Variants in CFH observed in about 807,000 individuals in gnomAD.
CFH encodes the protein H factor 1 (complement).
In CFH, 53 loss-of-function variants were observed where a neutral mutation model predicts 147.3. The ratio of observed to expected loss-of-function variants is 0.36; its 90% CI spans 0.29 to 0.45. The LOEUF is 0.45. Ranked by LOEUF, CFH falls within the 20% of genes least tolerant of loss-of-function variation. The pLI, the probability that CFH is intolerant of heterozygous loss-of-function variation, is 1.00. For synonymous variants in CFH, 536 were observed against 489.4 expected (o/e 1.10, Z -1.26); for missense variants, 1,380 against 1,498.0 (o/e 0.92, Z 1.30).
At chr1:196,721,278 C>T (rs990453124) in intron 11 of CFH, among the ~76,000 whole-genome samples, 1 of 151,526 alleles carries the variant, frequency 6.6e-6, no homozygotes, top group Non-Finnish European at 1.5e-5. Flanking sequence ...TTATTATTTC[C>T]TTTGCTGTGA....
At chr1:196,674,813 C>T (rs973465703) in intron 3 of CFH, among the ~76,000 whole-genome samples, 2 of 152,116 alleles carry the variant, frequency 1.3e-5, no homozygotes, top group Non-Finnish European at 2.9e-5. Flanking sequence ...TATATCTCTT[C>T]ACTACCATTT....
At chr1:196,679,155 G>A in intron 5 of CFH, 1 of 152,886 alleles carries the variant, frequency 6.5e-6, no homozygotes, top group Non-Finnish European at 1.5e-5. Flanking sequence ...TTTTTCTGAG[G>A]AAATCTTGGC....
At chr1:196,664,380 G>T (rs1269655283) in intron 1 of CFH, among the ~76,000 whole-genome samples, 1 of 152,108 alleles carries the variant, frequency 6.6e-6, no homozygotes. Context: ...TTATTGTGAA[G>T]GTGTCCTAAG....
chr1:196,727,071 C>G (rs1669160370), intron 14 of CFH, 131 bp downstream of exon 14: 3 of 759,272 alleles, frequency 4.0e-6, no homozygotes, highest in African/African-American at 3.5e-5. Flanking sequence ...TGAGACCAAT[C>G]TTTTGCATAT....
intron 9 of CFH, among the ~76,000 whole-genome samples, chr1:196,695,355 C>T (rs1003600377): frequency 1.3e-5 from 2 of 152,040 alleles, no homozygotes; most frequent in African/African-American, 2.4e-5. Context: ...TGTTCTGCTC[C>T]ATTGGCCTAT....
intron 9 of CFH, among the ~76,000 whole-genome samples, chr1:196,696,824 A>C (rs1445358161): frequency 6.6e-6 from 1 of 152,206 alleles, no homozygotes; most frequent in Non-Finnish European, 1.5e-5. Context: ...CCAATGGAAC[A>C]GAACAGAGCC....
At position 196,685,132 on chromosome 1, in the gene CFH, G is replaced by A; in HGVS notation, c.859G>A (p.Gly287Arg). Residue 287 changes from glycine (G) to arginine (R), a missense_variant, in exon 7 of 22, where the codon GGA becomes AGA. By Grantham distance (125) the Gly-to-Arg change is moderately radical (BLOSUM62 -2). This residue lies in a region of CFH where 167 missense variants were observed against 228.0 expected (regional missense o/e 0.73). Coordinates refer to ENST00000367429, the MANE Select transcript of CFH (RefSeq NM_000186.4). ...ACCTTTAAGGATTAAACACAGAACT[G>A]GAGATGAAATCACGTACCAGTGTAG... ...YSPLRIKHRT[G>R]DEITYQCRNG... 6.2e-7 allele frequency: 1 copy of A among 1,612,708 alleles called. No homozygotes were observed. Among genetic ancestry groups the A allele is most frequent in the Non-Finnish European group, 8.5e-7 (1 of 1,179,068 alleles).
chr1:196,687,972 A>T (rs1408218954), intron 7 of CFH, among the ~76,000 whole-genome samples: 1 of 147,718 alleles, frequency 6.8e-6, no homozygotes, highest in Non-Finnish European at 1.5e-5. Flanking sequence ...TATAATCCAC[A>T]TAATAAATGT....
intron 10 of CFH, among the ~76,000 whole-genome samples, chr1:196,714,121 C>CAT (rs1558173017): frequency 1.3e-5 from 2 of 152,052 alleles, no homozygotes; most frequent in East Asian, 3.9e-4. Context: ...GCTTTTCCTA[C>CAT]TCTAAAGCAT....
At position 196,736,792 on chromosome 1, in the gene CFH, A is replaced by T. The variant is rs1669414355; in HGVS notation, c.2414-32A>T. On this transcript the variant is annotated intron_variant, in intron 15 of 21. Coordinates refer to ENST00000367429, the MANE Select transcript of CFH (RefSeq NM_000186.4). Reference sequence around the variant, plus strand: ...ATATTTTTATTTTTTATTTTTTATTATAACATTAATTATATTTTTAATATT... The same window carrying T: ...ATATTTTTATTTTTTATTTTTTATTTTAACATTAATTATATTTTTAATATT... The T allele has an allele frequency of 9.5e-7, 1 of 1,053,626 alleles. No homozygotes were observed. The highest frequency in any genetic ancestry group is 3.6e-5 in the East Asian group (1 of 27,616). The allele number at this position is 1,053,626 out of a possible 1,614,324, so 65.3% of individuals were successfully genotyped here.
chr1:196,677,923 C>T, intron 5 of CFH: 1 of 442,220 alleles, frequency 2.3e-6, no homozygotes, highest in Non-Finnish European at 4.2e-6. Flanking sequence ...AAATCACATG[C>T]CCTGGATTAT....
At chr1:196,655,168 C>T (rs1208694957) in intron 1 of CFH, among the ~76,000 whole-genome samples, 1 of 152,052 alleles carries the variant, frequency 6.6e-6, no homozygotes, top group Non-Finnish European at 1.5e-5. Flanking sequence ...CTGACAACTT[C>T]CCTGAAACAA....
At chr1:196,679,074 G>T (rs556037412) in intron 5 of CFH, 14 of 153,000 alleles carry the variant, frequency 9.2e-5, no homozygotes, top group African/African-American at 3.1e-4. Context: ...ACTTATGATT[G>T]GCACAATCCC....
At chr1:196,690,566 CAAG>C (rs1215086048) in intron 9 of CFH, among the ~76,000 whole-genome samples, 2 of 152,100 alleles carry the variant, frequency 1.3e-5, no homozygotes, top group East Asian at 3.9e-4. Context: ...TATCTCACAC[CAAG>C]AAGATTAAGG....
chr1:196,727,080 A>T (rs1392155429), intron 14 of CFH, 140 bp downstream of exon 14: 1 of 712,596 alleles, frequency 1.4e-6, no homozygotes, highest in Admixed American at 2.3e-5. Flanking sequence ...TCTTTTGCAT[A>T]TTGCTTATAA....
chr1:196,692,753 T>TCCCTTC lies in CFH; in HGVS notation c.1336+2515_1336+2516insCCTTCC, dbSNP rs1558163581. Among the ~76,000 whole-genome samples, 99 of 10,030 alleles carry TCCCTTC rather than the reference T, an allele frequency of 9.9e-3. 2 individuals carry two copies. Among genetic ancestry groups the TCCCTTC allele is most frequent in the African/African-American group, 0.041 (70 of 1,722 alleles). 6.6% of individuals were successfully genotyped at this position (10,030 alleles called of 152,430 possible). A position where few individuals can be genotyped will look rare whatever the true frequency, so the allele number is the denominator to read the frequency against. ...CTCTTTCCCTTCCTTTCTTTTTCTT[T>TCCCTTC]CTTTCTTTCTTTCTTTCTTTCTTTC... On this transcript the variant is annotated intron_variant, in intron 9 of 21. Transcript: ENST00000367429.
intron 1 of CFH, among the ~76,000 whole-genome samples, chr1:196,662,862 T>A (rs1360194873): frequency 1.4e-5 from 2 of 144,268 alleles, no homozygotes; most frequent in Non-Finnish European, 1.5e-5. Flanking sequence ...GCCTGGGCAA[T>A]AGAGATCTTG....
At chr1:196,741,057 G>T in intron 18 of CFH, 1 of 448,740 alleles carries the variant, frequency 2.2e-6, no homozygotes, top group Non-Finnish European at 4.1e-6. Context: ...TTAGGGCACA[G>T]CTGCCTCTAC....
intron 7 of CFH, among the ~76,000 whole-genome samples, chr1:196,686,613 A>C (rs10801553): frequency 0.65 from 98,359 of 151,970 alleles, 32,274 homozygotes; most frequent in East Asian, 0.95. Flanking sequence ...CTTCAACTTT[A>C]ATTCCTGGCA....
Sources: allele counts gnomAD v4.1 joint callset (sites outside exome capture counted in the v4.1 genomes callset), GRCh38; gene constraint gnomAD v4.1.1; regional missense constraint gnomAD v4.1.1; transcripts MANE v1.5; gene names NCBI Gene and HGNC (gene_info 2026-07-23, HGNC 2026-07-21).